NUBP1: variants seen among roughly 807,000 people sequenced by gnomAD.
NUBP1 encodes cytosolic Fe-S cluster assembly factor NUBP1.
In NUBP1, 46 loss-of-function variants were observed where a neutral mutation model predicts 41.8. The observed-to-expected ratio is 1.10, with a 90% CI of 0.87 to 1.41. The LOEUF (loss-of-function observed/expected upper bound fraction) is 1.41, where lower values mean the gene tolerates loss of function less well. NUBP1 is among the 40% of genes most tolerant of loss of function. The pLI is 0.00. For synonymous variants in NUBP1, 189 were observed against 154.6 expected, an observed-to-expected ratio of 1.22 and a Z score of -1.65; for missense variants, 494 against 414.0, an observed-to-expected ratio of 1.19 and a Z score of -1.68.
rs1251384497 is a variant in NUBP1 at position 10,767,225 on chromosome 16, C to T, written c.821-724C>T. On this transcript the variant is annotated intron_variant, in intron 9 of 10. Transcript: ENST00000283027. This position sits in a 1 kb window ranked among gnomAD's most constrained non-coding sequence, Gnocchi z 4.6. Reference sequence around the variant, plus strand: ...GGGGGCTGGCAGGGCAGACTGGAGGCGAGAACACCCCCATTGACCCCTAGC... The same window carrying T: ...GGGGGCTGGCAGGGCAGACTGGAGGTGAGAACACCCCCATTGACCCCTAGC... The T allele has an allele frequency of 2.3e-5, 9 of 399,604 alleles. No homozygotes were observed. The highest frequency in any genetic ancestry group is 3.6e-5 in the East Asian group (1 of 28,140). 24.8% of individuals were successfully genotyped at this position (399,604 alleles called of 1,614,324 possible). A position where few individuals can be genotyped will look rare whatever the true frequency, so the allele number is the denominator to read the frequency against.
At chr16:10,747,110 A>G in intron 2 of NUBP1, 33 bp from the exon 3 acceptor site, 1 of 1,612,108 alleles carries the variant, frequency 6.2e-7, no homozygotes, top group Non-Finnish European at 8.5e-7. Flanking sequence ...TTGGTGTGGG[A>G]CCTCATCCCC....
intron 5 of NUBP1, among the ~76,000 whole-genome samples, chr16:10,756,019 A>G (rs1475346225): frequency 6.6e-6 from 1 of 152,224 alleles, no homozygotes; most frequent in Admixed American, 6.5e-5. Flanking sequence ...ATAAAAGTTT[A>G]TTTACAAACA....
Position 10,768,168 on chromosome 16 carries a change from AG to A in NUBP1, c.904+138del. The A allele has an allele frequency of 1.5e-6, 1 of 685,076 alleles. No individual in the cohort carries two copies. The highest frequency in any genetic ancestry group is 1.8e-5 in the South Asian group (1 of 55,620). 42.4% of individuals were successfully genotyped at this position (685,076 alleles called of 1,614,324 possible). On this transcript the variant is annotated intron_variant, in intron 10 of 10. Coordinates refer to ENST00000283027, the MANE Select transcript of NUBP1 (RefSeq NM_002484.4). This position sits in a 1 kb window ranked among gnomAD's most constrained non-coding sequence, Gnocchi z 4.3. ...AGTGGCCCCCATAGCCGAGGAAGCC[AG>A]GAGTCCATGAGAAATCTCTCAATGT... is the stretch of plus-strand genomic sequence containing the variant.
At chr16:10,747,668 AT>A (rs1329462591) in intron 3 of NUBP1, among the ~76,000 whole-genome samples, 1 of 152,222 alleles carries the variant, frequency 6.6e-6, no homozygotes, top group Non-Finnish European at 1.5e-5. Context: ...ACTAAGTTGA[AT>A]TGGCCTCTTT....
rs889720971 is a variant in NUBP1, at chr16:10,749,555, T to G, written c.258+2279T>G. 1.3e-5 allele frequency among the ~76,000 whole-genome samples: 2 copies of G among 152,178 alleles called. No homozygotes were observed. The highest frequency in any genetic ancestry group is 2.9e-5 in the Non-Finnish European group (2 of 68,016). On this transcript the variant is annotated intron_variant, in intron 3 of 10. Transcript: ENST00000283027. The surrounding 1 kb of genome is among the most constrained non-coding windows in gnomAD (Gnocchi z 4.1). The stretch of plus-strand genomic sequence containing the variant: ...TTTAAAAAAAAAAGAAGTCAGCATT[T>G]AGGAAAGTGTGTTTTCCCCAGGCAG...
At chr16:10,758,683 G>A (rs1015754768) in intron 7 of NUBP1, among the ~76,000 whole-genome samples, 2 of 152,170 alleles carry the variant, frequency 1.3e-5, no homozygotes, top group Non-Finnish European at 2.9e-5. Context: ...GTGTCCATGT[G>A]TCAGGTCCCC....
In NUBP1 at chr16:10,755,671, C is replaced by T. The variant is rs763159224; in HGVS notation, c.328-50C>T. 1.9e-6 allele frequency: 3 copies of T among 1,578,986 alleles called. No individual in the cohort carries two copies. The African/African-American group carries it at 4.0e-5, about 21-fold the overall frequency. Reference sequence around the variant, plus strand: ...CAATTTGTCTGTGCATGAAATGTGACCAGGGTACATGATTTCTACTAATGA... The same window carrying T: ...CAATTTGTCTGTGCATGAAATGTGATCAGGGTACATGATTTCTACTAATGA... On this transcript the variant is annotated intron_variant, in intron 4 of 10. Transcript: ENST00000283027.
chr16:10,767,082 C>G lies in NUBP1; in HGVS notation c.821-867C>G. ...GATGAGTGCTAGGTAGGAACCCCTCCTGGGGTTCACCTGAGGCTGGTGACC... is the reference window on the plus strand; with the variant it reads ...GATGAGTGCTAGGTAGGAACCCCTCGTGGGGTTCACCTGAGGCTGGTGACC... On this transcript the variant is annotated intron_variant, in intron 9 of 10. Transcript: ENST00000283027. The surrounding 1 kb of genome is among the most constrained non-coding windows in gnomAD (Gnocchi z 4.6). 1 of 398,752 alleles carries G rather than the reference C, an allele frequency of 2.5e-6. No homozygotes were observed. The highest frequency in any genetic ancestry group is 4.4e-6 in the Non-Finnish European group (1 of 226,156). 24.7% of individuals were successfully genotyped at this position (398,752 alleles called of 1,614,324 possible).
At chr16:10,748,577 G>A (rs572461479) in intron 3 of NUBP1, among the ~76,000 whole-genome samples, 2 of 152,258 alleles carry the variant, frequency 1.3e-5, no homozygotes, top group East Asian at 1.9e-4. Flanking sequence ...CTCTGCCTCC[G>A]TTTTCTCATC....
In NUBP1 at chr16:10,755,709, A is replaced by G; in HGVS notation, c.328-12A>G. ...TTTCTACTAATGAACATCGGTGCTC[A>G]TGTTCACACAGGTTCACCAGAGTGG... On this transcript the variant is annotated splice_polypyrimidine_tract_variant and intron_variant, in intron 4 of 10. Coordinates refer to ENST00000283027, the MANE Select transcript of NUBP1 (RefSeq NM_002484.4). The G allele has an allele frequency of 6.2e-7, 1 of 1,614,042 alleles. No homozygotes were observed.
chr16:10,753,449 G>C (rs1433134269), intron 4 of NUBP1, among the ~76,000 whole-genome samples: 1 of 152,052 alleles, frequency 6.6e-6, no homozygotes, highest in African/African-American at 2.4e-5. Context: ...AGCAGTCTAT[G>C]TAGTTGCTGG....
chr16:10,752,631 A>T lies in NUBP1; in HGVS notation c.280A>T (p.Ile94Leu). 6.2e-7 allele frequency: 1 copy of T among 1,613,726 alleles called. No individual in the cohort carries two copies. Among genetic ancestry groups the T allele is most frequent in the African/African-American group, 1.3e-5 (1 of 74,992 alleles). ...CCAGATTGCTCTTCTAGACATCGAT[A>T]TATGTGGGCCATCGATTCCCAAGAT... The part of the protein sequence containing the change: ...NTQIALLDID[I>L]CGPSIPKIMG... The change falls in exon 4 of 11, where the codon ATA (isoleucine) becomes TTA (leucine). Residue 94 changes from isoleucine to leucine, a missense_variant. Ile to Leu is a conservative substitution (Grantham distance 5, BLOSUM62 2). Transcript: ENST00000283027.
chr16:10,751,921 T>G (rs938128061), intron 3 of NUBP1, among the ~76,000 whole-genome samples: 13 of 152,162 alleles, frequency 8.5e-5, no homozygotes, highest in African/African-American at 3.1e-4. Context: ...ATGTCCCAGC[T>G]CTGTTCCCTG....
chr16:10,744,118 G>A (rs1456146592), intron 2 of NUBP1, 53 bp downstream of exon 2: 1 of 1,429,950 alleles, frequency 7.0e-7, no homozygotes, highest in Admixed American at 2.6e-5. Context: ...GCCCGGAAAA[G>A]GCGGGGCGTG....
rs200158062 is a variant in NUBP1, at chr16:10,749,130, C to CACAG, written c.258+1857_258+1858insGACA. ...ATAGATAGATACACAGACACATACACACACACACACACACACACACACACA... is the reference window on the plus strand; with the variant it reads ...ATAGATAGATACACAGACACATACACACAGACACACACACACACACACACACACA... On this transcript the variant is annotated intron_variant, in intron 3 of 10. Coordinates refer to ENST00000283027, the MANE Select transcript of NUBP1 (RefSeq NM_002484.4). This position sits in a 1 kb window ranked among gnomAD's most constrained non-coding sequence, Gnocchi z 4.1. 0.13 allele frequency among the ~76,000 whole-genome samples: 9,389 copies of CACAG among 74,720 alleles called. 449 individuals carry two copies. Among genetic ancestry groups the CACAG allele is most frequent in the South Asian group, 0.25 (621 of 2,530 alleles). The allele number at this position is 74,720 out of a possible 152,430, so 49.0% of individuals were successfully genotyped here.
chr16:10,744,210 A>G lies in NUBP1; in HGVS notation c.124+145A>G, dbSNP rs1036716220. The G allele has an allele frequency of 2.3e-5, 18 of 784,476 alleles. No homozygotes were observed. The East Asian group carries it at 4.9e-4, about 21-fold the overall frequency. 48.6% of individuals were successfully genotyped at this position (784,476 alleles called of 1,614,324 possible). On this transcript the variant is annotated intron_variant, in intron 2 of 10. Coordinates refer to ENST00000283027, the MANE Select transcript of NUBP1 (RefSeq NM_002484.4). Reference sequence around the variant, plus strand: ...TATTCGGAGAGGGGTGGGGCCCAGAAGGGGCGGGGCGTGGAAAGTGGGCAG... The same window carrying G: ...TATTCGGAGAGGGGTGGGGCCCAGAGGGGGCGGGGCGTGGAAAGTGGGCAG...
rs777149995 is a variant in NUBP1, at chr16:10,749,120, G to GACACACAGACACACACACACACACAC, written c.258+1849_258+1850insCAGACACACACACACACACACACACA. Reference sequence around the variant, plus strand: ...AAAAAAGGATATAGATAGATACACAGACACATACACACACACACACACACA... The same window carrying GACACACAGACACACACACACACACAC: ...AAAAAAGGATATAGATAGATACACAGACACACAGACACACACACACACACACACACATACACACACACACACACACA... On this transcript the variant is annotated intron_variant, in intron 3 of 10. Coordinates refer to ENST00000283027, the MANE Select transcript of NUBP1 (RefSeq NM_002484.4). The surrounding 1 kb of genome is among the most constrained non-coding windows in gnomAD (Gnocchi z 4.1). 1.1e-5 allele frequency among the ~76,000 whole-genome samples: 1 copy of GACACACAGACACACACACACACACAC among 92,342 alleles called. No individual in the cohort carries two copies. Among genetic ancestry groups the GACACACAGACACACACACACACACAC allele is most frequent in the African/African-American group, 3.9e-5 (1 of 25,744 alleles). The allele number at this position is 92,342 out of a possible 152,430, so 60.6% of individuals were successfully genotyped here.
rs778302551 is a variant in NUBP1 at position 10,747,142 on chromosome 16, G to T, written c.125-1G>T. ...CCCCTGAACTTTGGTTTTCTTTGCA[G>T]CTATAGAGGAAATCAAAGAGAAAAT... On this transcript the variant is annotated splice_acceptor_variant, in intron 2 of 10. Transcript: ENST00000283027. LOFTEE classifies it high-confidence loss of function. The T allele has an allele frequency of 1.9e-6, 3 of 1,613,858 alleles. No individual in the cohort carries two copies. The highest frequency in any genetic ancestry group is 2.5e-6 in the Non-Finnish European group (3 of 1,179,926).
chr16:10,764,391 C>A (rs1329723319), intron 9 of NUBP1, among the ~76,000 whole-genome samples: 3 of 150,656 alleles, frequency 2.0e-5, no homozygotes, highest in African/African-American at 7.4e-5. Context: ...TGGAGCATCT[C>A]AGTCTGCTGG....
Sources: allele counts gnomAD v4.1 joint callset (sites outside exome capture counted in the v4.1 genomes callset), GRCh38; gene constraint gnomAD v4.1.1; non-coding constraint Gnocchi (gnomAD v3.1); transcripts MANE v1.5; gene names NCBI Gene and HGNC (gene_info 2026-07-23, HGNC 2026-07-21).